CDH23: variants seen among roughly 807,000 people sequenced by gnomAD.
CDH23 encodes cadherin related 23.
Under a neutral mutation model 317.1 loss-of-function variants are expected in CDH23, and 189 were observed. The observed-to-expected ratio is 0.60, with a 90% CI of 0.53 to 0.67. The LOEUF (loss-of-function observed/expected upper bound fraction) is 0.67. Ranked by LOEUF, CDH23 falls within the 30% of genes least tolerant of loss-of-function variation. The probability of loss-of-function intolerance (pLI) is 0.00; values close to 1 mark genes in which losing one functional copy is unlikely to be tolerated. For synonymous variants in CDH23, 1,839 were observed against 1,876.8 expected (o/e 0.98, Z 0.52); for missense variants, 4,401 against 4,592.4 (o/e 0.96, Z 1.20).
intron 34 of CDH23, among the ~76,000 whole-genome samples, chr10:71,736,011 C>T (rs1308702867): frequency 1.3e-5 from 2 of 152,238 alleles, no homozygotes; most frequent in African/African-American, 4.8e-5. Context: ...CCCACCTGGC[C>T]CTCACACAGC....
At chr10:71,724,501 A>C (rs917695598) in intron 29 of CDH23, among the ~76,000 whole-genome samples, 1 of 152,162 alleles carries the variant, frequency 6.6e-6, no homozygotes, top group Non-Finnish European at 1.5e-5. Context: ...ACAGGGTTTC[A>C]CCGTGTTAGC....
chr10:71,503,231 G>A (rs1230850446), intron 3 of CDH23, among the ~76,000 whole-genome samples: 2 of 152,222 alleles, frequency 1.3e-5, no homozygotes, highest in Non-Finnish European at 2.9e-5. Flanking sequence ...TCCAAGATGG[G>A]GTACACAGCC....
chr10:71,814,344 G>C (rs1038766193), intron 69 of CDH23, among the ~76,000 whole-genome samples: 5 of 152,250 alleles, frequency 3.3e-5, no homozygotes, highest in Admixed American at 1.3e-4. Flanking sequence ...GAGCCCAGGA[G>C]TCCGAGGCTG....
At chr10:71,623,988 G>A (rs577232608) in intron 11 of CDH23, among the ~76,000 whole-genome samples, 61 of 152,274 alleles carry the variant, frequency 4.0e-4, no homozygotes, top group Middle Eastern at 6.8e-3. Flanking sequence ...TCGTCCTCCC[G>A]CTGTGCCTCA....
At chr10:71,431,068 T>A (rs145127437) in intron 1 of CDH23, among the ~76,000 whole-genome samples, 103 of 152,354 alleles carry the variant, frequency 6.8e-4, no homozygotes, top group Non-Finnish European at 1.1e-3. Context: ...ACCTTGAGCG[T>A]TGCCTCTGGG....
Position 71,798,790 on chromosome 10 carries a change from G to A in CDH23, c.7054+212G>A, listed in dbSNP as rs572521556. On this transcript the variant is annotated intron_variant, in intron 50 of 69. Transcript: ENST00000224721. ...GGATGGAAGCCTCTTGATGTCTGCCGGAAACCTGGGATACCCCACCACCCA... is the reference window on the plus strand; with the variant it reads ...GGATGGAAGCCTCTTGATGTCTGCCAGAAACCTGGGATACCCCACCACCCA... Among the ~76,000 whole-genome samples the A allele has an allele frequency of 1.1e-4, 17 of 152,206 alleles. No individual in the cohort carries two copies. The South Asian group carries it at 1.2e-3, about 11-fold the overall frequency.
intron 38 of CDH23, chr10:71,750,971 A>G: frequency 2.4e-6 from 1 of 414,368 alleles, no homozygotes. Flanking sequence ...GAGACTTCTT[A>G]AGATGTAAGT....
intron 9 of CDH23, among the ~76,000 whole-genome samples, chr10:71,583,675 A>G (rs1858817095): frequency 6.6e-6 from 1 of 152,282 alleles, no homozygotes; most frequent in African/African-American, 2.4e-5. Flanking sequence ...CCGTTTCCCC[A>G]TCTGCTGTCG....
chr10:71,778,408 G>C, intron 40 of CDH23, 100 bp downstream of exon 40: 1 of 1,445,192 alleles, frequency 6.9e-7, no homozygotes, highest in Non-Finnish European at 9.4e-7. Context: ...AAGATTGTCT[G>C]AGGGAAATGC....
chr10:71,718,876 G>A (rs1866417379), intron 28 of CDH23, among the ~76,000 whole-genome samples: 1 of 151,858 alleles, frequency 6.6e-6, no homozygotes, highest in Non-Finnish European at 1.5e-5. Flanking sequence ...AGAACAGCCT[G>A]GGCAACATAG....
At chr10:71,522,409 T>G (rs2132234348) in intron 6 of CDH23, among the ~76,000 whole-genome samples, 2 of 152,280 alleles carry the variant, frequency 1.3e-5, no homozygotes, top group Middle Eastern at 3.4e-3. Flanking sequence ...AGTGGGTTTC[T>G]GTTAACATGT....
chr10:71,414,047 T>G (rs941935728), intron 1 of CDH23, among the ~76,000 whole-genome samples: 2 of 142,902 alleles, frequency 1.4e-5, no homozygotes, highest in Non-Finnish European at 3.0e-5. Flanking sequence ...CTCCTGGGTT[T>G]TGTGTGTGTG....
At chr10:71,569,528 A>G (rs994347807) in intron 7 of CDH23, among the ~76,000 whole-genome samples, 3 of 152,344 alleles carry the variant, frequency 2.0e-5, no homozygotes, top group South Asian at 2.1e-4. Context: ...TCCCAGGGGG[A>G]AAAAGAACTC....
chr10:71,685,243 T>C (rs1344724555), intron 18 of CDH23, among the ~76,000 whole-genome samples: 1 of 152,186 alleles, frequency 6.6e-6, no homozygotes, highest in East Asian at 1.9e-4. Context: ...CCCACACAGC[T>C]TGCAGGTGAT....
intron 60 of CDH23, among the ~76,000 whole-genome samples, chr10:71,808,249 A>G (rs1184413161): frequency 1.3e-5 from 2 of 151,882 alleles, no homozygotes; most frequent in Non-Finnish European, 2.9e-5. Flanking sequence ...CAACTCATCT[A>G]TCCATTAGTT....
In CDH23 at chr10:71,779,230, G is replaced by A. The variant is rs765339387; in HGVS notation, c.5188-37G>A. On this transcript the variant is annotated intron_variant, in intron 40 of 69. Coordinates refer to ENST00000224721, the MANE Select transcript of CDH23 (RefSeq NM_022124.6). ...ACTGAGGCCCAGCACAAAGCTGGCT[G>A]GGGTGAGGCCTTGGCTAAGCTTTTC... The A allele has an allele frequency of 9.3e-6, 15 of 1,605,940 alleles. No individual in the cohort carries two copies. In the South Asian group the frequency reaches 1.3e-4, roughly 14 times the overall value.
At chr10:71,696,019 A>ACAGGTTTGC (rs1207228240) in intron 22 of CDH23, among the ~76,000 whole-genome samples, 1 of 152,178 alleles carries the variant, frequency 6.6e-6, no homozygotes, top group East Asian at 1.9e-4. Flanking sequence ...ATTTTCTGGC[A>ACAGGTTTGC]CAGGTTTGCC....
chr10:71,769,078 C>T (rs971584016), intron 38 of CDH23, among the ~76,000 whole-genome samples: 6 of 152,186 alleles, frequency 3.9e-5, no homozygotes, highest in African/African-American at 1.2e-4. Context: ...GCCCAGCTTG[C>T]CTGGCCACGT....
Position 71,661,283 on chromosome 10 carries a change from C to T in CDH23, c.1450-13829C>T, listed in dbSNP as rs541360452. On this transcript the variant is annotated intron_variant, in intron 14 of 69. Transcript: ENST00000224721. ...AGCGCTCCCTCTGCCGGCCCAGCCT[C>T]CTGCAGGAGAAACCCACCCACCCAC... 7.2e-5 allele frequency among the ~76,000 whole-genome samples: 11 copies of T among 152,272 alleles called. No individual in the cohort carries two copies. In the East Asian group the frequency reaches 1.4e-3, roughly 19 times the overall value.
Sources: allele counts gnomAD v4.1 joint callset (sites outside exome capture counted in the v4.1 genomes callset), GRCh38; gene constraint gnomAD v4.1.1; transcripts MANE v1.5; gene names NCBI Gene and HGNC (gene_info 2026-07-23, HGNC 2026-07-21).